ZFPM2: variants seen among roughly 807,000 people sequenced by gnomAD.
ZFPM2 encodes zinc finger protein ZFPM2.
ZFPM2 carries 20 observed loss-of-function variants against 98.6 expected under a neutral mutation model. That is an observed-to-expected ratio of 0.20 (90% CI 0.14 to 0.29). The LOEUF (loss-of-function observed/expected upper bound fraction) is 0.29. Ranked by LOEUF, ZFPM2 falls within the 10% of genes least tolerant of loss-of-function variation. ZFPM2 has a pLI of 1.00. For synonymous variants in ZFPM2, 518 were observed against 502.7 expected, an observed-to-expected ratio of 1.03 and a Z score of -0.41; for missense variants, 1,310 against 1,388.6, an observed-to-expected ratio of 0.94 and a Z score of 0.90.
chr8:105,433,297 A>G (rs1220033190), intron 2 of ZFPM2, among the ~76,000 whole-genome samples: 1 of 152,246 alleles, frequency 6.6e-6, no homozygotes, highest in Non-Finnish European at 1.5e-5. Flanking sequence ...AACTATTTTC[A>G]CATGGAGGAT....
chr8:105,683,246 C>T (rs966781970), intron 5 of ZFPM2, among the ~76,000 whole-genome samples: 1 of 152,072 alleles, frequency 6.6e-6, no homozygotes, highest in African/African-American at 2.4e-5. Flanking sequence ...TGTAATGAGA[C>T]TGTGGAATTC....
Position 105,419,191 on chromosome 8 carries a change from G to C in ZFPM2, c.88G>C (p.Glu30Gln). The change falls in exon 2 of 8, where the codon GAG (glutamate) becomes CAG (glutamine). Residue 30 changes from glutamate to glutamine, a missense_variant. Physicochemically the swap from Glu to Gln is conservative, Grantham distance 29 (BLOSUM62 2). Coordinates refer to ENST00000407775, the MANE Select transcript of ZFPM2 (RefSeq NM_012082.4). ...AGATGAGGAAGAAGAATGTCCATCAGAGGAAACAGACATCATCTCCAAAGG... is the reference window on the plus strand; with the variant it reads ...AGATGAGGAAGAAGAATGTCCATCACAGGAAACAGACATCATCTCCAAAGG... ...IEDEEEECPS[E>Q]ETDIISKGDF... The C allele has an allele frequency of 6.2e-7, 1 of 1,613,490 alleles. No homozygotes were observed. Among genetic ancestry groups the C allele is most frequent in the South Asian group, 1.1e-5 (1 of 91,032 alleles).
chr8:105,509,453 T>C (rs1487810857), intron 3 of ZFPM2, among the ~76,000 whole-genome samples: 2 of 152,170 alleles, frequency 1.3e-5, no homozygotes, highest in Admixed American at 1.3e-4. Context: ...TCATGCGATA[T>C]GGTGCCAGGG....
At chr8:105,657,593 A>G (rs777397243) in intron 5 of ZFPM2, among the ~76,000 whole-genome samples, 2 of 152,306 alleles carry the variant, frequency 1.3e-5, no homozygotes, top group South Asian at 2.1e-4. Flanking sequence ...CTAGACTTCT[A>G]TACAGGCTGA....
intron 5 of ZFPM2, among the ~76,000 whole-genome samples, chr8:105,701,580 T>G (rs1458304387): frequency 6.6e-6 from 1 of 152,252 alleles, no homozygotes; most frequent in East Asian, 1.9e-4. Flanking sequence ...AAGGTTGTAA[T>G]ATGTGCCATG....
intron 1 of ZFPM2, among the ~76,000 whole-genome samples, chr8:105,409,593 G>A (rs1586351955): frequency 6.6e-6 from 1 of 151,842 alleles, no homozygotes; most frequent in East Asian, 1.9e-4. Flanking sequence ...CCATAATTGA[G>A]GAAAGGACTC....
At chr8:105,708,247 CATTA>C (rs1811306518) in intron 5 of ZFPM2, among the ~76,000 whole-genome samples, 1 of 152,134 alleles carries the variant, frequency 6.6e-6, no homozygotes, top group Non-Finnish European at 1.5e-5. Context: ...TATTACATCA[CATTA>C]ATTATGAAAT....
At chr8:105,330,777 G>T (rs1812218767) in intron 1 of ZFPM2, among the ~76,000 whole-genome samples, 1 of 149,724 alleles carries the variant, frequency 6.7e-6, no homozygotes, top group East Asian at 2.0e-4. Flanking sequence ...TGGGAGTCTG[G>T]TAATATTATT....
intron 3 of ZFPM2, among the ~76,000 whole-genome samples, chr8:105,511,102 G>T (rs1408502861): frequency 2.0e-5 from 3 of 152,150 alleles, no homozygotes; most frequent in Non-Finnish European, 4.4e-5. Context: ...TCTTCCCACT[G>T]AGCAAGAATG....
chr8:105,526,728 T>C (rs946592226), intron 3 of ZFPM2, among the ~76,000 whole-genome samples: 2 of 152,140 alleles, frequency 1.3e-5, no homozygotes, highest in African/African-American at 4.8e-5. Flanking sequence ...TAAGAGCAAA[T>C]ATACTAATTC....
intron 5 of ZFPM2, among the ~76,000 whole-genome samples, chr8:105,786,064 A>T: frequency 6.6e-6 from 1 of 151,242 alleles, no homozygotes; most frequent in Admixed American, 6.6e-5. Context: ...AAAAAAAAAA[A>T]AAAAAATTAG....
intron 5 of ZFPM2, among the ~76,000 whole-genome samples, chr8:105,766,369 C>A (rs1812853063): frequency 6.6e-6 from 1 of 151,874 alleles, no homozygotes; most frequent in South Asian, 2.1e-4. Context: ...GCTAGGATGA[C>A]AATTTACATC....
rs1366018444 is a variant in ZFPM2, at chr8:105,769,694, G to T, written c.533-19024G>T. ...TTTGTCTGTCTTTCCTCTTATCACTGCTTATAAAACATAACCACAATTTGT... is the reference window on the plus strand; with the variant it reads ...TTTGTCTGTCTTTCCTCTTATCACTTCTTATAAAACATAACCACAATTTGT... On this transcript the variant is annotated intron_variant, in intron 5 of 7. Coordinates refer to ENST00000407775, the MANE Select transcript of ZFPM2 (RefSeq NM_012082.4). 2.0e-5 allele frequency among the ~76,000 whole-genome samples: 3 copies of T among 151,778 alleles called. No homozygotes were observed. The East Asian group carries it at 5.8e-4, about 29-fold the overall frequency.
At chr8:105,548,094 T>C (rs1360973441) in intron 3 of ZFPM2, among the ~76,000 whole-genome samples, 1 of 152,034 alleles carries the variant, frequency 6.6e-6, no homozygotes, top group Non-Finnish European at 1.5e-5. Flanking sequence ...ACACCATTAG[T>C]TCTGAATGTG....
At chr8:105,474,052 G>T (rs991786682) in intron 3 of ZFPM2, among the ~76,000 whole-genome samples, 1 of 152,184 alleles carries the variant, frequency 6.6e-6, no homozygotes, top group Non-Finnish European at 1.5e-5. Context: ...AGTTGTAATT[G>T]ATTTATATTA....
chr8:105,563,264 A>G (rs554046834), intron 4 of ZFPM2, among the ~76,000 whole-genome samples: 23 of 152,094 alleles, frequency 1.5e-4, no homozygotes, highest in Non-Finnish European at 2.2e-4. Context: ...CCGTTTATTC[A>G]GTACCATGTG....
chr8:105,352,116 A>G (rs1462399363), intron 1 of ZFPM2, among the ~76,000 whole-genome samples: 1 of 152,176 alleles, frequency 6.6e-6, no homozygotes, highest in African/African-American at 2.4e-5. Context: ...ATTATGGCCA[A>G]TGGATGCATC....
At chr8:105,447,334 A>G (rs1464749446) in intron 3 of ZFPM2, among the ~76,000 whole-genome samples, 1 of 151,782 alleles carries the variant, frequency 6.6e-6, no homozygotes, top group African/African-American at 2.4e-5. Context: ...AAAACCAAAA[A>G]CCTGTTCTCA....
intron 3 of ZFPM2, among the ~76,000 whole-genome samples, chr8:105,545,570 T>A (rs1814677745): frequency 6.6e-6 from 1 of 152,206 alleles, no homozygotes; most frequent in African/African-American, 2.4e-5. Flanking sequence ...TGCTAATTAA[T>A]AAAGATGCTT....
Sources: gnomAD v4.1 joint callset for allele counts (sites outside exome capture counted in the v4.1 genomes callset) on GRCh38, gnomAD v4.1.1 for gene constraint, MANE v1.5 for transcripts, NCBI Gene and HGNC (gene_info 2026-07-23, HGNC 2026-07-21) for gene names.